The following NRG3 variants were observed in gnomAD, a reference collection of about 807,000 sequenced individuals.
NRG3 encodes pro-neuregulin-3, membrane-bound isoform.
A neutral mutation model predicts 66.9 loss-of-function variants in NRG3; 31 were observed. The observed-to-expected ratio is 0.46, with a 90% confidence interval of 0.35 to 0.63. NRG3 has a LOEUF of 0.63. Ranked by LOEUF, NRG3 falls within the 20% of genes least tolerant of loss-of-function variation. The pLI is 0.00. For missense variants in NRG3, 910 were observed against 878.9 expected, an observed-to-expected ratio of 1.04 and a Z score of -0.45; for synonymous variants, 393 against 359.4, an observed-to-expected ratio of 1.09 and a Z score of -1.06.
chr10:82,723,531 G>A (rs2251944), intron 2 of NRG3, among the ~76,000 whole-genome samples: 1 of 151,880 alleles, frequency 6.6e-6, no homozygotes, highest in African/African-American at 2.4e-5. Flanking sequence ...TATCATTAAC[G>A]TAAATTCATG....
chr10:82,848,636 G>T (rs745403544), intron 3 of NRG3, among the ~76,000 whole-genome samples: 49 of 152,068 alleles, frequency 3.2e-4, no homozygotes, highest in Admixed American at 8.5e-4. Context: ...ATGAGATTTG[G>T]GAAGGGTGGT....
chr10:81,977,824 GTTA>G (rs961552848), intron 1 of NRG3, among the ~76,000 whole-genome samples: 3 of 152,240 alleles, frequency 2.0e-5, no homozygotes, highest in African/African-American at 4.8e-5. Context: ...ATTTCAGAGA[GTTA>G]TTATGAGGAT....
At chr10:82,050,585 C>G (rs1237904902) in intron 1 of NRG3, among the ~76,000 whole-genome samples, 1 of 152,004 alleles carries the variant, frequency 6.6e-6, no homozygotes, top group African/African-American at 2.4e-5. Context: ...TGGTATAACT[C>G]ACATTATTTG....
At chr10:82,703,364 A>C (rs1465602122) in intron 2 of NRG3, among the ~76,000 whole-genome samples, 2 of 152,144 alleles carry the variant, frequency 1.3e-5, no homozygotes, top group East Asian at 3.9e-4. Context: ...TTATCTATTT[A>C]TTTCCAAACT....
intron 3 of NRG3, among the ~76,000 whole-genome samples, chr10:82,808,953 G>C (rs144735149): frequency 6.6e-6 from 1 of 152,276 alleles, no homozygotes; most frequent in Non-Finnish European, 1.5e-5. Flanking sequence ...TATTTGGCTT[G>C]AGCCTTGAGG....
At chr10:82,007,053 T>C (rs1292363553) in intron 1 of NRG3, among the ~76,000 whole-genome samples, 15 of 152,272 alleles carry the variant, frequency 9.9e-5, no homozygotes, top group Admixed American at 7.8e-4. Context: ...GAGCATGATA[T>C]ATAGCTCGTT....
chr10:82,525,255 G>A (rs1000718378), intron 2 of NRG3, among the ~76,000 whole-genome samples: 2 of 151,802 alleles, frequency 1.3e-5, no homozygotes, highest in Non-Finnish European at 3.0e-5. Context: ...ACTCTGGATA[G>A]AAGATGCTTT....
chr10:82,572,379 A>C (rs2045789121), intron 2 of NRG3, among the ~76,000 whole-genome samples: 1 of 151,698 alleles, frequency 6.6e-6, no homozygotes, highest in Non-Finnish European at 1.5e-5. Context: ...CTACATTAAC[A>C]GTTGATTTTG....
intron 2 of NRG3, among the ~76,000 whole-genome samples, chr10:82,653,046 C>G (rs2051555001): frequency 2.0e-5 from 3 of 152,112 alleles, no homozygotes; most frequent in Admixed American, 2.0e-4. Flanking sequence ...TGCTAAATAG[C>G]ATGTTGGGCA....
At chr10:82,798,349 A>G (rs2060890585) in intron 3 of NRG3, among the ~76,000 whole-genome samples, 2 of 152,222 alleles carry the variant, frequency 1.3e-5, no homozygotes, top group African/African-American at 2.4e-5. Context: ...ACAAGAAACT[A>G]TAAACTCTGG....
At chr10:82,935,304 T>C (rs1299938380) in intron 4 of NRG3, among the ~76,000 whole-genome samples, 1 of 152,198 alleles carries the variant, frequency 6.6e-6, no homozygotes, top group Admixed American at 6.5e-5. Flanking sequence ...ATTTCTTTCA[T>C]ATGATTTCTT....
chr10:82,578,692 G>C (rs1046097582), intron 2 of NRG3, among the ~76,000 whole-genome samples: 8 of 151,646 alleles, frequency 5.3e-5, no homozygotes, highest in African/African-American at 1.9e-4. Flanking sequence ...AATAAGAATA[G>C]CTGGCATACA....
intron 4 of NRG3, among the ~76,000 whole-genome samples, chr10:82,900,472 G>A (rs1408419492): frequency 6.6e-6 from 1 of 152,066 alleles, no homozygotes; most frequent in Non-Finnish European, 1.5e-5. Flanking sequence ...ATTTCAGAAT[G>A]TATGATGTAT....
intron 1 of NRG3, among the ~76,000 whole-genome samples, chr10:82,250,936 G>A (rs1183714887): frequency 7.9e-5 from 12 of 152,160 alleles, no homozygotes; most frequent in Non-Finnish European, 1.5e-4. Flanking sequence ...GCATTTGATC[G>A]GCAGTCTTGT....
rs1247638907 is a variant in NRG3, at chr10:81,949,006, A to G, written c.823+72843A>G. Reference sequence around the variant, plus strand: ...GTTGTCCTCTCCCCAGGGAGTATGGACAACTTTACTTTTCTGGCAAAAACA... The same window carrying G: ...GTTGTCCTCTCCCCAGGGAGTATGGGCAACTTTACTTTTCTGGCAAAAACA... On this transcript the variant is annotated intron_variant, in intron 1 of 8. Transcript: ENST00000372141. 3.9e-5 allele frequency among the ~76,000 whole-genome samples: 6 copies of G among 152,112 alleles called. No individual in the cohort carries two copies. The East Asian group carries it at 1.2e-3, about 29-fold the overall frequency.
intron 1 of NRG3, among the ~76,000 whole-genome samples, chr10:82,210,022 A>G (rs1486682143): frequency 6.6e-6 from 1 of 152,202 alleles, no homozygotes; most frequent in Non-Finnish European, 1.5e-5. Flanking sequence ...AAGGAAGGGT[A>G]GGATCAGCAT....
intron 4 of NRG3, among the ~76,000 whole-genome samples, chr10:82,874,094 T>A (rs928617585): frequency 1.3e-5 from 2 of 152,122 alleles, no homozygotes; most frequent in Non-Finnish European, 2.9e-5. Flanking sequence ...ATTTATAGGT[T>A]TAGAATTGAT....
At chr10:82,175,045 T>G (rs1431824161) in intron 1 of NRG3, among the ~76,000 whole-genome samples, 1 of 152,178 alleles carries the variant, frequency 6.6e-6, no homozygotes, top group Non-Finnish European at 1.5e-5. Flanking sequence ...AGTTAGAATC[T>G]CAGGCATTAA....
At chr10:82,040,811 CT>C (rs2062999050) in intron 1 of NRG3, among the ~76,000 whole-genome samples, 1 of 152,094 alleles carries the variant, frequency 6.6e-6, no homozygotes, top group African/African-American at 2.4e-5. Context: ...TCTCCTCTCC[CT>C]GCCCCAGTAT....
Sources: gnomAD v4.1 joint callset for allele counts (sites outside exome capture counted in the v4.1 genomes callset) on GRCh38, gnomAD v4.1.1 for gene constraint, MANE v1.5 for transcripts, NCBI Gene and HGNC (gene_info 2026-07-23, HGNC 2026-07-21) for gene names.